Variants in FLT4 observed in about 807,000 individuals in gnomAD.
The protein encoded by FLT4 is fms related receptor tyrosine kinase 4.
Under a neutral mutation model 163.2 loss-of-function variants are expected in FLT4, and 30 were observed. The ratio of observed to expected loss-of-function variants is 0.18; its 90% confidence interval spans 0.14 to 0.25. The LOEUF (loss-of-function observed/expected upper bound fraction) is 0.25, where lower values mean the gene tolerates loss of function less well. Among genes scored for constraint, FLT4 ranks in the 10% least tolerant of loss-of-function variants. The pLI is 1.00. For missense variants in FLT4, 1,510 were observed against 1,863.8 expected, an observed-to-expected ratio of 0.81 and a Z score of 3.50; for synonymous variants, 884 against 789.5, an observed-to-expected ratio of 1.12 and a Z score of -2.01.
chr5:180,629,917 C>T (rs367771351), intron 5 of FLT4, 26 bp downstream of exon 5: 2 of 1,612,626 alleles, frequency 1.2e-6, no homozygotes, highest in South Asian at 2.2e-5. Context: ...AGCCCCGTTA[C>T]TGGGAACGGG....
chr5:180,644,107 A>G (rs57489304), intron 1 of FLT4, among the ~76,000 whole-genome samples: 6,655 of 152,252 alleles, frequency 0.044, 208 homozygotes, highest in South Asian at 0.11. Context: ...GTGAGCCACC[A>G]TGACCCGCTC....
At chr5:180,629,670 C>T in intron 6 of FLT4, 26 bp downstream of exon 6, 3 of 1,607,462 alleles carry the variant, frequency 1.9e-6, no homozygotes, top group Non-Finnish European at 2.5e-6. Context: ...GGGGACAGGA[C>T]AGCCTGGCAG....
chr5:180,639,699 C>A (rs560211881), intron 1 of FLT4, among the ~76,000 whole-genome samples: 2 of 152,310 alleles, frequency 1.3e-5, no homozygotes, highest in South Asian at 2.1e-4. Context: ...AGGATGGGCT[C>A]CCTGGGCAGA....
In FLT4 at chr5:180,636,376, C is replaced by T. The variant is rs968584785; in HGVS notation, c.59-4598G>A. Among the ~76,000 whole-genome samples, 2 of 152,146 alleles carry T rather than the reference C, an allele frequency of 1.3e-5. No individual in the cohort carries two copies. Among genetic ancestry groups the T allele is most frequent in the African/African-American group, 2.4e-5 (1 of 41,412 alleles). On this transcript the variant is annotated intron_variant, in intron 1 of 29. Coordinates refer to ENST00000261937, the MANE Select transcript of FLT4 (RefSeq NM_182925.5). The surrounding 1 kb of genome is among the most constrained non-coding windows in gnomAD (Gnocchi z 4.3). ...CCACGGCACTGGCCCTGGGCGGTTA[C>T]TGCCCTCCACCCCACATGCCTGAAC...
At position 180,608,267 on chromosome 5, in the gene FLT4, T is replaced by C. The variant is rs746602954; in HGVS notation, c.3893+701A>G. On this transcript the variant is annotated intron_variant, in intron 29 of 29. Coordinates refer to ENST00000261937, the MANE Select transcript of FLT4 (RefSeq NM_182925.5). ...AAATGCTGACGTATGCTGCCTTCTCTCTCTCTGCTTCAGCTACCTAAGAGG... is the reference window on the plus strand; with the variant it reads ...AAATGCTGACGTATGCTGCCTTCTCCCTCTCTGCTTCAGCTACCTAAGAGG... 8.1e-5 allele frequency: 57 copies of C among 700,702 alleles called. No homozygotes were observed. In the African/African-American group the frequency reaches 8.6e-4, roughly 11 times the overall value. The allele number at this position is 700,702 out of a possible 1,614,324, so 43.4% of individuals were successfully genotyped here.
At position 180,645,088 on chromosome 5, in the gene FLT4, C is replaced by T. The variant is rs188182310; in HGVS notation, c.58+4400G>A. 1.9e-3 allele frequency among the ~76,000 whole-genome samples: 291 copies of T among 152,276 alleles called. 3 individuals are homozygous for T. Among genetic ancestry groups the T allele is most frequent in the African/African-American group, 6.5e-3 (271 of 41,570 alleles). On this transcript the variant is annotated intron_variant, in intron 1 of 29. Transcript: ENST00000261937. Reference sequence around the variant, plus strand: ...GGCCTGGGACTCCAGCAGGAAGGGCCGGTACCACGAGCCCAAGAAGCTGGT... The same window carrying T: ...GGCCTGGGACTCCAGCAGGAAGGGCTGGTACCACGAGCCCAAGAAGCTGGT...
At chr5:180,644,563 G>A (rs1324105830) in intron 1 of FLT4, among the ~76,000 whole-genome samples, 1 of 152,188 alleles carries the variant, frequency 6.6e-6, no homozygotes, top group African/African-American at 2.4e-5. Flanking sequence ...TTAACCCCCT[G>A]AAATGAGCCA....
intron 1 of FLT4, among the ~76,000 whole-genome samples, chr5:180,632,683 T>A (rs993739406): frequency 6.6e-6 from 1 of 152,088 alleles, no homozygotes. Context: ...CCTGGGTGTG[T>A]GAGTCTGTGT....
chr5:180,645,217 G>A (rs1171954583), intron 1 of FLT4, among the ~76,000 whole-genome samples: 5 of 152,274 alleles, frequency 3.3e-5, no homozygotes, highest in African/African-American at 1.2e-4. Flanking sequence ...GAAACAGGGA[G>A]TGGTGATGAG....
At chr5:180,641,476 T>TG (rs1362405564) in intron 1 of FLT4, among the ~76,000 whole-genome samples, 1 of 152,156 alleles carries the variant, frequency 6.6e-6, no homozygotes, top group Non-Finnish European at 1.5e-5. Context: ...ACACACTTTC[T>TG]GGGCAGCTGA....
At chr5:180,609,267 G>A in intron 28 of FLT4, 1 of 611,782 alleles carries the variant, frequency 1.6e-6, no homozygotes, top group Non-Finnish European at 3.0e-6. Context: ...CAGGGGGGCT[G>A]TGTGTGGCCC....
rs1297538068 is a variant in FLT4, at chr5:180,630,670, C to T, written c.285G>A (p.Val95=). 6.2e-7 allele frequency: 1 copy of T among 1,613,080 alleles called. No individual in the cohort carries two copies. The highest frequency in any genetic ancestry group is 8.5e-7 in the Non-Finnish European group (1 of 1,179,994). ...TGGCATGTACCTCGTGCAGCAGCAA[C>T]ACCTTGCAGTAGGGCCTGGCGTCTG... ...EGTDARPYCK[V]LLLHEVHAND... Residue 95 remains valine, a synonymous_variant, in exon 3 of 30, where the codon GTG becomes GTA. Transcript: ENST00000261937. The surrounding 1 kb of genome is among the most constrained non-coding windows in gnomAD (Gnocchi z 6.3).
chr5:180,608,452 C>G (rs1320033212), intron 29 of FLT4, among the ~76,000 whole-genome samples: 1 of 152,272 alleles, frequency 6.6e-6, no homozygotes, highest in Admixed American at 6.5e-5. Flanking sequence ...GGTAGGGGTC[C>G]CCCAGGCCCA....
At position 180,602,105 on chromosome 5, in the gene FLT4, G is replaced by A. The variant is rs996058228; in HGVS notation, c.*1087C>T. On this transcript the variant is annotated 3_prime_UTR_variant, in exon 30 of 30. Coordinates refer to ENST00000261937, the MANE Select transcript of FLT4 (RefSeq NM_182925.5). ...GCCAGGGTGCTGATGTCAGGCACAG[G>A]GCAGGAAAAGGCTGAAGGCAGGTCC... 3 of 233,582 alleles carry A rather than the reference G, an allele frequency of 1.3e-5. No homozygotes were observed. Among genetic ancestry groups the A allele is most frequent in the Non-Finnish European group, 2.5e-5 (3 of 118,390 alleles). The allele number at this position is 233,582 out of a possible 1,614,324, so 14.5% of individuals were successfully genotyped here.
chr5:180,629,443 G>A lies in FLT4; in HGVS notation c.817-16C>T, dbSNP rs1338740279. 4 of 1,609,764 alleles carry A rather than the reference G, an allele frequency of 2.5e-6. No homozygotes were observed. ...CCCGCTCTGCCTGCCCGCACCCAGG[G>A]AAGCCCCGCGTCAGCAGGCGGGCTC... On this transcript the variant is annotated splice_polypyrimidine_tract_variant and intron_variant, in intron 6 of 29. Coordinates refer to ENST00000261937, the MANE Select transcript of FLT4 (RefSeq NM_182925.5).
Position 180,630,264 on chromosome 5 carries a change from A to G in FLT4, c.474T>C (p.Cys158=), listed in dbSNP as rs1302178938. The change falls in exon 4 of 30, where the codon TGT becomes TGC. Residue 158 remains cysteine (C), a synonymous_variant. Transcript: ENST00000261937. This position sits in a 1 kb window ranked among gnomAD's most constrained non-coding sequence, Gnocchi z 6.3. ...VNRKDAMWVP[C]LVSIPGLNVT... The stretch of plus-strand genomic sequence containing the variant: ...CATTGAGGCCGGGGATGGACACCAG[A>G]CAGGGCACCCACATGGCGTCCTTCC... 3.7e-6 allele frequency: 6 copies of G among 1,612,596 alleles called. No individual in the cohort carries two copies. Among genetic ancestry groups the G allele is most frequent in the Non-Finnish European group, 5.1e-6 (6 of 1,179,982 alleles).
chr5:180,628,898 G>A lies in FLT4; in HGVS notation c.1087C>T (p.Pro363Ser), dbSNP rs1763862318. 6.2e-7 allele frequency: 1 copy of A among 1,611,436 alleles called. No homozygotes were observed. Among genetic ancestry groups the A allele is most frequent in the Non-Finnish European group, 8.5e-7 (1 of 1,179,246 alleles). ...GGCTGTTACCACTGGAACTCGGGCG[G>A]GGGGTACGCTGCCAGCTTCACGGGC... is the stretch of plus-strand genomic sequence containing the variant. Reference protein sequence around the residue: ...KLPVKLAAYPPPEFQWYKDGK... With the variant: ...KLPVKLAAYPSPEFQWYKDGK... The change falls in exon 8 of 30, where the codon CCG (proline) becomes TCG (serine). Residue 363 changes from proline to serine, a missense_variant. By Grantham distance (74) the Pro-to-Ser change is moderately conservative. Around this residue, in one of 5 missense-constraint regions of FLT4, gnomAD observed 878 missense variants for 1,016.7 expected, o/e 0.86. Transcript: ENST00000261937.
chr5:180,629,884 A>C, intron 5 of FLT4, 49 bp from the exon 6 acceptor site: 1 of 1,612,518 alleles, frequency 6.2e-7, no homozygotes, highest in Non-Finnish European at 8.5e-7. Flanking sequence ...GACGACACCC[A>C]CTGAGGCCAG....
At chr5:180,615,085 G>C (rs559022336) in intron 23 of FLT4, among the ~76,000 whole-genome samples, 15 of 152,228 alleles carry the variant, frequency 9.9e-5, no homozygotes, top group South Asian at 2.1e-4. Flanking sequence ...CCCACCGCAC[G>C]GAGCAAGGCG....
Sources: gnomAD v4.1 joint callset for allele counts (sites outside exome capture counted in the v4.1 genomes callset) on GRCh38, gnomAD v4.1.1 for gene constraint, gnomAD v4.1.1 regional missense constraint, Gnocchi (gnomAD v3.1) non-coding constraint, MANE v1.5 for transcripts, NCBI Gene and HGNC (gene_info 2026-07-23, HGNC 2026-07-21) for gene names.